FBH1: variants seen among roughly 807,000 people sequenced by gnomAD.
FBH1 encodes F-box DNA helicase 1.
FBH1 carries 43 observed loss-of-function variants against 115.5 expected under a neutral mutation model. The observed-to-expected ratio is 0.37, with a 90% CI of 0.29 to 0.48. FBH1 has a LOEUF of 0.48. FBH1 is among the 20% of genes least tolerant of loss of function. The pLI, the probability that FBH1 is intolerant of heterozygous loss-of-function variation, is 0.99. For synonymous variants in FBH1, 524 were observed against 507.8 expected (o/e 1.03, Z -0.43); for missense variants, 1,001 against 1,337.3 (o/e 0.75, Z 3.92).
At position 5,906,780 on chromosome 10, in the gene FBH1, C is replaced by T. The variant is rs1316618678; in HGVS notation, c.753+148C>T. 4.6e-5 allele frequency: 29 copies of T among 632,266 alleles called. No homozygotes were observed. The East Asian group carries it at 5.8e-4, about 13-fold the overall frequency. The allele number at this position is 632,266 out of a possible 1,614,324, so 39.2% of individuals were successfully genotyped here. A position where few individuals can be genotyped will look rare whatever the true frequency, so the allele number is the denominator to read the frequency against. Reference sequence around the variant, plus strand: ...CTCCTTAGAGGCATTTAAGGCCTTCCGTGTCTGCCCCACCCTATGACTCTA... The same window carrying T: ...CTCCTTAGAGGCATTTAAGGCCTTCTGTGTCTGCCCCACCCTATGACTCTA... On this transcript the variant is annotated intron_variant, in intron 3 of 20. Coordinates refer to ENST00000362091, the MANE Select transcript of FBH1 (RefSeq NM_178150.3). This position sits in a 1 kb window ranked among gnomAD's most constrained non-coding sequence, Gnocchi z 7.3.
rs573628709 is a variant in FBH1, at chr10:5,923,889, C to A, written c.2398+193C>A. 15 of 595,540 alleles carry A rather than the reference C, an allele frequency of 2.5e-5. No individual in the cohort carries two copies. The East Asian group carries it at 2.8e-4, about 11-fold the overall frequency. The allele number at this position is 595,540 out of a possible 1,614,324, so 36.9% of individuals were successfully genotyped here. A position where few individuals can be genotyped will look rare whatever the true frequency, so the allele number is the denominator to read the frequency against. On this transcript the variant is annotated intron_variant, in intron 16 of 20. Transcript: ENST00000362091. The surrounding 1 kb of genome is among the most constrained non-coding windows in gnomAD (Gnocchi z 5.7). ...TAGGTACTGACAGATTTTTCCAGAT[C>A]CTCCTCACAGGAGCCTCAGTCTCTT... is the stretch of plus-strand genomic sequence containing the variant.
At position 5,925,819 on chromosome 10, in the gene FBH1, TAA is replaced by T. The variant is rs974018521; in HGVS notation, c.2722+330_2722+331del. The stretch of plus-strand genomic sequence containing the variant: ...TGAGTCTCCAGCCTCATGAAAGCTT[TAA>T]AATATAGTTTACTTGCTTACCATGG... On this transcript the variant is annotated intron_variant, in intron 18 of 20. Transcript: ENST00000362091. The surrounding 1 kb of genome is among the most constrained non-coding windows in gnomAD (Gnocchi z 4.6). 1.5e-4 allele frequency among the ~76,000 whole-genome samples: 23 copies of T among 152,246 alleles called. No homozygotes were observed. Among genetic ancestry groups the T allele is most frequent in the Admixed American group, 6.5e-5 (1 of 15,284 alleles).
intron 19 of FBH1, chr10:5,934,364 GTTTTTTTTTTTGTT>G (rs1833178520): frequency 7.1e-6 from 1 of 141,090 alleles, no homozygotes; most frequent in African/African-American, 2.7e-5. Flanking sequence ...TCAAAGACAG[GTTTTTTTTTTTGTT>G]TTTTTTTTTT....
chr10:5,907,393 CAA>C (rs1231430807), intron 3 of FBH1, among the ~76,000 whole-genome samples: 9 of 151,758 alleles, frequency 5.9e-5, no homozygotes, highest in African/African-American at 2.2e-4. Context: ...TCATTTGTCT[CAA>C]GATATTTTCT....
chr10:5,937,421 T>C lies in FBH1; in HGVS notation c.*141T>C. On this transcript the variant is annotated 3_prime_UTR_variant, in exon 21 of 21. Transcript: ENST00000362091. ...TGAGGAAGAGGACACCAGCCCAAGC[T>C]GGACCTGCCATTTCTCCACTCCCTA... is the stretch of plus-strand genomic sequence containing the variant. 1.1e-6 allele frequency: 1 copy of C among 885,898 alleles called. No homozygotes were observed. The highest frequency in any genetic ancestry group is 1.6e-6 in the Non-Finnish European group (1 of 639,684). 54.9% of individuals were successfully genotyped at this position (885,898 alleles called of 1,614,324 possible).
chr10:5,915,910 G>A lies in FBH1; in HGVS notation c.1566-324G>A, dbSNP rs1831897902. 1 of 463,516 alleles carries A rather than the reference G, an allele frequency of 2.2e-6. No individual in the cohort carries two copies. The highest frequency in any genetic ancestry group is 3.9e-6 in the Non-Finnish European group (1 of 257,368). The allele number at this position is 463,516 out of a possible 1,614,324, so 28.7% of individuals were successfully genotyped here. ...AGGGAGTGAGGAAGACTCAGCCGAGGCACACTTGACCCAGGTCTCCTGGAT... is the reference window on the plus strand; with the variant it reads ...AGGGAGTGAGGAAGACTCAGCCGAGACACACTTGACCCAGGTCTCCTGGAT... On this transcript the variant is annotated intron_variant, in intron 9 of 20. Transcript: ENST00000362091. The surrounding 1 kb of genome is among the most constrained non-coding windows in gnomAD (Gnocchi z 5.2).
Position 5,909,245 on chromosome 10 carries a change from C to T in FBH1, c.971C>T (p.Ala324Val), listed in dbSNP as rs753195307. The change falls in exon 5 of 21, where the codon GCT becomes GTT. Residue 324 changes from alanine (A) to valine (V), a missense_variant. Ala to Val is a moderately conservative substitution (Grantham distance 64). This residue lies in a region of FBH1 where 420 missense variants were observed against 430.4 expected (regional missense o/e 0.98). Transcript: ENST00000362091. The surrounding 1 kb of genome is among the most constrained non-coding windows in gnomAD (Gnocchi z 4.4). Reference protein sequence around the residue: ...SLRDHPLLPEAEACVRQHLPD... With the variant: ...SLRDHPLLPEVEACVRQHLPD... Reference sequence around the variant, plus strand: ...AGGGACCACCCCCTCCTCCCCGAGGCTGAGGCGTGTGTGCGGCAACACCTC... The same window carrying T: ...AGGGACCACCCCCTCCTCCCCGAGGTTGAGGCGTGTGTGCGGCAACACCTC... The T allele has an allele frequency of 1.9e-6, 3 of 1,612,952 alleles. No homozygotes were observed. The highest frequency in any genetic ancestry group is 8.5e-7 in the Non-Finnish European group (1 of 1,180,034).
chr10:5,918,264 A>T lies in FBH1; in HGVS notation c.1964-78A>T. 1 of 1,559,490 alleles carries T rather than the reference A, an allele frequency of 6.4e-7. No homozygotes were observed. The highest frequency in any genetic ancestry group is 1.2e-5 in the South Asian group (1 of 85,088). Reference sequence around the variant, plus strand: ...AGTGTGCCCTGGCTTAGCTTCGTGGAAGTGTTTTTGTCCTTTTCTTTTTGC... The same window carrying T: ...AGTGTGCCCTGGCTTAGCTTCGTGGTAGTGTTTTTGTCCTTTTCTTTTTGC... On this transcript the variant is annotated intron_variant, in intron 12 of 20. Transcript: ENST00000362091. This position sits in a 1 kb window ranked among gnomAD's most constrained non-coding sequence, Gnocchi z 4.0.
intron 13 of FBH1, among the ~76,000 whole-genome samples, chr10:5,920,942 A>G (rs1162268692): frequency 1.3e-5 from 2 of 152,182 alleles, no homozygotes; most frequent in Non-Finnish European, 2.9e-5. Context: ...GTGGAGAGGG[A>G]TCTCAAAGGC....
chr10:5,890,275 G>A lies in FBH1; in HGVS notation c.-71G>A. The stretch of plus-strand genomic sequence containing the variant: ...CCAGAGGAGGAGCTCGCTGCCGGGG[G>A]ACGCTGGGCTGAGCGGCCGGCGGCG... On this transcript the variant is annotated 5_prime_UTR_variant, in exon 1 of 21. Coordinates refer to ENST00000362091, the MANE Select transcript of FBH1 (RefSeq NM_178150.3). 2.7e-6 allele frequency: 1 copy of A among 370,804 alleles called. No homozygotes were observed. Among genetic ancestry groups the A allele is most frequent in the Non-Finnish European group, 5.0e-6 (1 of 198,506 alleles). The allele number at this position is 370,804 out of a possible 1,614,324, so 23.0% of individuals were successfully genotyped here.
intron 19 of FBH1, among the ~76,000 whole-genome samples, chr10:5,927,872 G>A (rs1017530461): frequency 2.0e-4 from 31 of 151,934 alleles, no homozygotes; most frequent in Middle Eastern, 3.2e-3. Flanking sequence ...AGGGGTTTGA[G>A]ACCAGCCTGG....
chr10:5,906,011 C>T lies in FBH1; in HGVS notation c.158-26C>T. ...TCAACAGTCATCGTTCATTTCTTGT[C>T]CATCCTGTTTGGGTTCTCTCTACAG... On this transcript the variant is annotated intron_variant, in intron 2 of 20. Transcript: ENST00000362091. The surrounding 1 kb of genome is among the most constrained non-coding windows in gnomAD (Gnocchi z 7.3). 6.5e-7 allele frequency: 1 copy of T among 1,527,042 alleles called. No individual in the cohort carries two copies. Among genetic ancestry groups the T allele is most frequent in the Non-Finnish European group, 9.0e-7 (1 of 1,106,614 alleles). The allele number at this position is 1,527,042 out of a possible 1,614,324, so 94.6% of individuals were successfully genotyped here.
chr10:5,905,007 A>C (rs1738336330), intron 2 of FBH1, among the ~76,000 whole-genome samples: 1 of 152,220 alleles, frequency 6.6e-6, no homozygotes, highest in African/African-American at 2.4e-5. Context: ...TTGGCATTTA[A>C]AAATAATTTT....
rs1264317326 is a variant in FBH1 at position 5,932,014 on chromosome 10, GTGCA to G, written c.2830-4440_2830-4437del. Among the ~76,000 whole-genome samples the G allele has an allele frequency of 1.3e-5, 2 of 152,210 alleles. No homozygotes were observed. Among genetic ancestry groups the G allele is most frequent in the Admixed American group, 6.5e-5 (1 of 15,280 alleles). ...ACAGAAAAATTAGCTAGTCATGGTG[GTGCA>G]TACCTGTAGCCCCAGCTACTTAGGA... On this transcript the variant is annotated intron_variant, in intron 19 of 20. Transcript: ENST00000362091. The surrounding 1 kb of genome is among the most constrained non-coding windows in gnomAD (Gnocchi z 5.9).
chr10:5,894,471 T>C, intron 1 of FBH1: 1 of 1,335,848 alleles, frequency 7.5e-7, no homozygotes, highest in Non-Finnish European at 1.1e-6. Flanking sequence ...CCCGGGTTCT[T>C]GTGTTGGCAC....
rs1263425643 is a variant in FBH1 at position 5,895,711 on chromosome 10, A to T, written c.1+5365A>T. Among the ~76,000 whole-genome samples, 1 of 152,158 alleles carries T rather than the reference A, an allele frequency of 6.6e-6. No individual in the cohort carries two copies. The highest frequency in any genetic ancestry group is 1.5e-5 in the Non-Finnish European group (1 of 68,026). ...TTTTAAAGCAGTAGTCCGAGGATTG[A>T]GGCTGCTGGAGGCTCTTCTATTTTG... On this transcript the variant is annotated intron_variant, in intron 1 of 20. Coordinates refer to ENST00000362091, the MANE Select transcript of FBH1 (RefSeq NM_178150.3). This position sits in a 1 kb window ranked among gnomAD's most constrained non-coding sequence, Gnocchi z 5.0.
Position 5,933,658 on chromosome 10 carries a change from TA to T in FBH1, c.2830-2792del, listed in dbSNP as rs914849365. On this transcript the variant is annotated intron_variant, in intron 19 of 20. Coordinates refer to ENST00000362091, the MANE Select transcript of FBH1 (RefSeq NM_178150.3). This position sits in a 1 kb window ranked among gnomAD's most constrained non-coding sequence, Gnocchi z 4.9. ...CACTCTGCTGTTTTTTTTTTTTTTT[TA>T]AAAAACAGAGTCTCACTCTGTCGCC... 1.4e-5 allele frequency among the ~76,000 whole-genome samples: 2 copies of T among 144,170 alleles called. No homozygotes were observed. Among genetic ancestry groups the T allele is most frequent in the Non-Finnish European group, 1.5e-5 (1 of 66,136 alleles). The allele number at this position is 144,170 out of a possible 152,430, so 94.6% of individuals were successfully genotyped here.
At chr10:5,899,249 T>C (rs1480678447) in intron 1 of FBH1, among the ~76,000 whole-genome samples, 1 of 152,160 alleles carries the variant, frequency 6.6e-6, no homozygotes, top group African/African-American at 2.4e-5. Context: ...TGGCCTGAGG[T>C]CCTGGGTCTC....
chr10:5,916,030 A>T (rs540720041), intron 9 of FBH1: 7 of 582,110 alleles, frequency 1.2e-5, no homozygotes, highest in East Asian at 5.8e-5. Context: ...GCTGGTTCCT[A>T]TTCTGGGTTG....
Sources: gnomAD v4.1 joint callset for allele counts (sites outside exome capture counted in the v4.1 genomes callset) on GRCh38, gnomAD v4.1.1 for gene constraint, gnomAD v4.1.1 regional missense constraint, Gnocchi (gnomAD v3.1) non-coding constraint, MANE v1.5 for transcripts, NCBI Gene and HGNC (gene_info 2026-07-23, HGNC 2026-07-21) for gene names.